Variants in TMTC2 observed in about 807,000 individuals in gnomAD.
The protein encoded by TMTC2 is protein O-mannosyl-transferase TMTC2.
A neutral mutation model predicts 82.4 loss-of-function variants in TMTC2; 43 were observed. The observed-to-expected ratio is 0.52, with a 90% CI of 0.41 to 0.67. The LOEUF (loss-of-function observed/expected upper bound fraction) is 0.67, where lower values mean the gene tolerates loss of function less well. TMTC2 is among the 30% of genes least tolerant of loss of function. The pLI, the probability that TMTC2 is intolerant of heterozygous loss-of-function variation, is 0.00. For missense variants in TMTC2, 919 were observed against 1,012.4 expected (o/e 0.91, Z 1.25); for synonymous variants, 408 against 381.9 (o/e 1.07, Z -0.80).
chr12:82,687,735 C>A (rs1271268211), intron 1 of TMTC2, 66 bp downstream of exon 1: 27 of 1,492,934 alleles, frequency 1.8e-5, no homozygotes, highest in Non-Finnish European at 2.4e-5. Flanking sequence ...TCTGAAGCTT[C>A]CCTCTTTAAG....
chr12:83,036,221 T>C (rs1350789135), intron 9 of TMTC2, among the ~76,000 whole-genome samples: 7 of 152,150 alleles, frequency 4.6e-5, no homozygotes, highest in African/African-American at 1.4e-4. Context: ...ATGCTAGATA[T>C]AGGGACACAG....
At chr12:82,697,181 TA>T (rs1489686219) in intron 1 of TMTC2, among the ~76,000 whole-genome samples, 6 of 151,180 alleles carry the variant, frequency 4.0e-5, no homozygotes, top group Admixed American at 3.3e-4. Flanking sequence ...CCGTCTCTAC[TA>T]AAATACAAAA....
At position 82,930,456 on chromosome 12, in the gene TMTC2, G is replaced by A. The variant is rs752030708; in HGVS notation, c.1509G>A (p.Leu503=). ...AKAWGNLGNV[L]KSQSKISEAE... ...CATGGGGTAACCTTGGAAATGTTCT[G>A]AAGAGTCAGAGCAAAATTTCTGAAG... The change falls in exon 4 of 12, where the codon CTG becomes CTA. Residue 503 remains leucine (L), a synonymous_variant. Transcript: ENST00000321196. 6.2e-7 allele frequency: 1 copy of A among 1,602,268 alleles called. No individual in the cohort carries two copies. The highest frequency in any genetic ancestry group is 8.5e-7 in the Non-Finnish European group (1 of 1,171,520).
chr12:83,013,059 GT>G (rs990217952), intron 8 of TMTC2, among the ~76,000 whole-genome samples: 4 of 152,072 alleles, frequency 2.6e-5, no homozygotes, highest in African/African-American at 9.7e-5. Flanking sequence ...TTTTGCTGTA[GT>G]TTTGCTGAAG....
chr12:82,707,099 G>T (rs1290329878), intron 1 of TMTC2, among the ~76,000 whole-genome samples: 1 of 152,162 alleles, frequency 6.6e-6, no homozygotes, highest in Non-Finnish European at 1.5e-5. Context: ...CTATAAACTA[G>T]GCAGCTTATA....
At chr12:83,056,528 C>A (rs1370871303) in intron 10 of TMTC2, among the ~76,000 whole-genome samples, 2 of 151,812 alleles carry the variant, frequency 1.3e-5, no homozygotes, top group African/African-American at 4.8e-5. Context: ...ATACATTCTA[C>A]TGGAAGTCAC....
chr12:82,709,169 A>G (rs1873513598), intron 1 of TMTC2, among the ~76,000 whole-genome samples: 1 of 150,798 alleles, frequency 6.6e-6, no homozygotes, highest in Non-Finnish European at 1.5e-5. Flanking sequence ...GAGACTCCCC[A>G]TTTGTCAAAT....
At chr12:83,039,166 C>T (rs1881795072) in intron 9 of TMTC2, among the ~76,000 whole-genome samples, 1 of 152,102 alleles carries the variant, frequency 6.6e-6, no homozygotes, top group South Asian at 2.1e-4. Flanking sequence ...CTCCTGACCT[C>T]AGGTGATCCA....
chr12:82,917,632 C>T (rs943025060), intron 3 of TMTC2, among the ~76,000 whole-genome samples: 2 of 152,004 alleles, frequency 1.3e-5, no homozygotes, highest in Non-Finnish European at 2.9e-5. Flanking sequence ...GACAGAGTCT[C>T]ACTCTGTCAC....
chr12:82,748,164 A>G (rs1282254378), intron 1 of TMTC2, among the ~76,000 whole-genome samples: 1 of 152,154 alleles, frequency 6.6e-6, no homozygotes, highest in Non-Finnish European at 1.5e-5. Flanking sequence ...CAAAAAAATT[A>G]GCCAGGTGTG....
intron 2 of TMTC2, among the ~76,000 whole-genome samples, chr12:82,868,569 T>C (rs1057372408): frequency 3.3e-5 from 5 of 152,064 alleles, no homozygotes; most frequent in African/African-American, 1.2e-4. Context: ...TATCTGAAAA[T>C]GGAGGGGAGA....
At chr12:83,025,206 AAAAAAG>A (rs978347843) in intron 8 of TMTC2, among the ~76,000 whole-genome samples, 1 of 152,028 alleles carries the variant, frequency 6.6e-6, no homozygotes, top group Non-Finnish European at 1.5e-5. Context: ...GTCTCAAAAA[AAAAAAG>A]AAAAGAAAAG....
chr12:83,107,346 G>A (rs77876725), intron 11 of TMTC2, among the ~76,000 whole-genome samples: 2,254 of 152,324 alleles, frequency 0.015, 61 homozygotes, highest in African/African-American at 0.051. Flanking sequence ...TGGAAGTTGA[G>A]AAGTCCAAGG....
chr12:82,913,326 C>T (rs1241046606), intron 3 of TMTC2, among the ~76,000 whole-genome samples: 6 of 152,244 alleles, frequency 3.9e-5, no homozygotes, highest in Admixed American at 3.9e-4. Flanking sequence ...AGAGGACCAT[C>T]ATACTTTGGT....
chr12:82,986,428 A>G (rs1879158050), intron 8 of TMTC2: 1 of 159,984 alleles, frequency 6.3e-6, no homozygotes. Flanking sequence ...AACAAAACAA[A>G]CAGATGTGAG....
chr12:83,009,332 CT>C (rs1416100237), intron 8 of TMTC2, among the ~76,000 whole-genome samples: 1 of 152,144 alleles, frequency 6.6e-6, no homozygotes, highest in African/African-American at 2.4e-5. Context: ...TGAGTACCCC[CT>C]AAGACTGTGG....
rs561282281 is a variant in TMTC2, at chr12:82,848,608, T to C, written c.84-8402T>C. On this transcript the variant is annotated intron_variant, in intron 1 of 11. Coordinates refer to ENST00000321196, the MANE Select transcript of TMTC2 (RefSeq NM_152588.3). ...AATGAATAAAGGAATGAGTGAGTGATTTTCTCTGGACAGACATTCCATTTT... is the reference window on the plus strand; with the variant it reads ...AATGAATAAAGGAATGAGTGAGTGACTTTCTCTGGACAGACATTCCATTTT... Among the ~76,000 whole-genome samples the C allele has an allele frequency of 5.9e-5, 9 of 152,240 alleles. No homozygotes were observed. The East Asian group carries it at 1.4e-3, about 23-fold the overall frequency.
At chr12:82,993,853 T>C (rs1033831079) in intron 8 of TMTC2, among the ~76,000 whole-genome samples, 5 of 152,132 alleles carry the variant, frequency 3.3e-5, no homozygotes, top group Non-Finnish European at 7.4e-5. Context: ...GGAGATACAT[T>C]GCAAGGGAGC....
chr12:82,850,084 A>T (rs1255592376), intron 1 of TMTC2, among the ~76,000 whole-genome samples: 2 of 151,948 alleles, frequency 1.3e-5, no homozygotes, highest in Non-Finnish European at 2.9e-5. Flanking sequence ...GTGTCATCCT[A>T]CCCACGTGGA....
Sources: allele counts gnomAD v4.1 joint callset (sites outside exome capture counted in the v4.1 genomes callset), GRCh38; gene constraint gnomAD v4.1.1; transcripts MANE v1.5; gene names NCBI Gene and HGNC (gene_info 2026-07-23, HGNC 2026-07-21).